VAV2: variants seen among roughly 807,000 people sequenced by gnomAD.
VAV2 encodes the protein vav guanine nucleotide exchange factor 2, also known as guanine nucleotide exchange factor VAV2.
VAV2 carries 67 observed loss-of-function variants against 132.5 expected under a neutral mutation model. The ratio of observed to expected loss-of-function variants is 0.51; its 90% CI spans 0.42 to 0.62. The LOEUF (loss-of-function observed/expected upper bound fraction) is 0.62. VAV2 is among the 20% of genes least tolerant of loss of function. The pLI is 0.00. For missense variants in VAV2, 938 were observed against 1,153.6 expected, an observed-to-expected ratio of 0.81 and a Z score of 2.71; for synonymous variants, 492 against 443.5, an observed-to-expected ratio of 1.11 and a Z score of -1.37.
At chr9:133,989,091 C>T (rs556066682) in intron 1 of VAV2, among the ~76,000 whole-genome samples, 1 of 152,120 alleles carries the variant, frequency 6.6e-6, no homozygotes, top group Non-Finnish European at 1.5e-5. Context: ...GCAATCCCAA[C>T]ACTTTGGGAG....
intron 2 of VAV2, among the ~76,000 whole-genome samples, chr9:133,889,172 T>C (rs534296118): frequency 2.0e-5 from 3 of 151,796 alleles, no homozygotes; most frequent in African/African-American, 7.3e-5. Flanking sequence ...AGGCTTGGGG[T>C]CGGATACCAG....
intron 9 of VAV2, among the ~76,000 whole-genome samples, chr9:133,799,860 C>T (rs915535626): frequency 6.6e-6 from 1 of 152,174 alleles, no homozygotes; most frequent in Admixed American, 6.5e-5. Flanking sequence ...TAAGAGACCA[C>T]CGGACAGCCC....
intron 1 of VAV2, among the ~76,000 whole-genome samples, chr9:133,946,224 A>C (rs1382790121): frequency 2.0e-5 from 3 of 152,188 alleles, no homozygotes; most frequent in African/African-American, 7.2e-5. Context: ...TCCTCAAGGC[A>C]GCTGCCAGGG....
chr9:133,964,034 T>TATATAC (rs1564507470), intron 1 of VAV2, among the ~76,000 whole-genome samples: 1 of 97,842 alleles, frequency 1.0e-5, no homozygotes, highest in Non-Finnish European at 2.3e-5. Flanking sequence ...TATATATATA[T>TATATAC]ATATATATAT....
Position 133,991,846 on chromosome 9 carries a change from G to A in VAV2, c.204+229C>T, listed in dbSNP as rs1843031603. Among the ~76,000 whole-genome samples, 1 of 150,874 alleles carries A rather than the reference G, an allele frequency of 6.6e-6. No individual in the cohort carries two copies. The highest frequency in any genetic ancestry group is 2.4e-5 in the African/African-American group (1 of 41,264). ...CGGCGCACCAGAGCAGTGCCCGCGGGCGGCGGCGGCGCGACCCAGGCTGAG... is the reference window on the plus strand; with the variant it reads ...CGGCGCACCAGAGCAGTGCCCGCGGACGGCGGCGGCGCGACCCAGGCTGAG... On this transcript the variant is annotated intron_variant, in intron 1 of 29. Coordinates refer to ENST00000371850, the MANE Select transcript of VAV2 (RefSeq NM_001134398.2). This position sits in a 1 kb window ranked among gnomAD's most constrained non-coding sequence, Gnocchi z 4.8.
intron 2 of VAV2, among the ~76,000 whole-genome samples, chr9:133,862,170 C>T (rs963522588): frequency 6.6e-6 from 1 of 152,282 alleles, no homozygotes; most frequent in African/African-American, 2.4e-5. Context: ...GTGATGTGGG[C>T]CTCCTCTGGA....
intron 1 of VAV2, among the ~76,000 whole-genome samples, chr9:133,962,654 T>C: frequency 6.6e-6 from 1 of 152,138 alleles, no homozygotes; most frequent in East Asian, 1.9e-4. Context: ...GTGCTGGGAC[T>C]CGGGGGGCTG....
In VAV2 at chr9:133,766,409, G is replaced by A. The variant is rs982246554; in HGVS notation, c.2589+2033C>T. Among the ~76,000 whole-genome samples the A allele has an allele frequency of 2.6e-5, 4 of 152,176 alleles. No individual in the cohort carries two copies. The East Asian group carries it at 5.8e-4, about 22-fold the overall frequency. ...CAATGATAGAATGGATTAAGAAAAT[G>A]TGGCACATATACACCACGGAATACT... On this transcript the variant is annotated intron_variant, in intron 29 of 29. Transcript: ENST00000371850.
chr9:133,835,786 C>T (rs531331411), intron 3 of VAV2, among the ~76,000 whole-genome samples: 24 of 152,324 alleles, frequency 1.6e-4, no homozygotes, highest in Admixed American at 9.8e-4. Flanking sequence ...GGGGGGAGTC[C>T]GCTGATCTGT....
chr9:133,880,595 G>T (rs1838451978), intron 2 of VAV2, among the ~76,000 whole-genome samples: 1 of 152,232 alleles, frequency 6.6e-6, no homozygotes. Flanking sequence ...AAGTGAATGT[G>T]ATGTGCAGTC....
intron 4 of VAV2, among the ~76,000 whole-genome samples, chr9:133,817,177 G>A (rs780718281): frequency 1.1e-4 from 16 of 152,156 alleles, no homozygotes; most frequent in East Asian, 1.9e-4. Flanking sequence ...GTAGTATTAC[G>A]ACAGAGGCTT....
Position 133,775,150 on chromosome 9 carries a change from C to T in VAV2, c.2019-99G>A, listed in dbSNP as rs1269598507. ...GTGGCAGGCCACATGAAGTACTCTG[C>T]AGTCCTCATCTGAGAGCTCATCTCC... On this transcript the variant is annotated intron_variant, in intron 24 of 29. Coordinates refer to ENST00000371850, the MANE Select transcript of VAV2 (RefSeq NM_001134398.2). The T allele has an allele frequency of 4.2e-6, 4 of 941,726 alleles. No individual in the cohort carries two copies. The African/African-American group carries it at 5.0e-5, about 12-fold the overall frequency. 58.3% of individuals were successfully genotyped at this position (941,726 alleles called of 1,614,324 possible).
intron 2 of VAV2, among the ~76,000 whole-genome samples, chr9:133,876,378 G>C (rs1013158272): frequency 6.6e-6 from 1 of 152,228 alleles, no homozygotes; most frequent in Non-Finnish European, 1.5e-5. Flanking sequence ...GAGTGGTAGG[G>C]GGCAAGGGAC....
chr9:133,977,185 C>G (rs625083), intron 1 of VAV2, among the ~76,000 whole-genome samples: 76,052 of 152,106 alleles, frequency 0.5, 19,792 homozygotes, highest in Middle Eastern at 0.59. Context: ...CAGAGTGAGG[C>G]CCCCCCAGCA....
chr9:133,804,713 C>A lies in VAV2; in HGVS notation c.836+1368G>T, dbSNP rs1300915121. Among the ~76,000 whole-genome samples, 1 of 152,234 alleles carries A rather than the reference C, an allele frequency of 6.6e-6. No homozygotes were observed. Among genetic ancestry groups the A allele is most frequent in the Non-Finnish European group, 1.5e-5 (1 of 68,038 alleles). On this transcript the variant is annotated intron_variant, in intron 9 of 29. Coordinates refer to ENST00000371850, the MANE Select transcript of VAV2 (RefSeq NM_001134398.2). This position sits in a 1 kb window ranked among gnomAD's most constrained non-coding sequence, Gnocchi z 4.5. ...CCACACCTGCTGAGGACTGGGGCGA[C>A]AGCCAGTGTGACCTGCCAGCCGGGC...
rs2810503 is a variant in VAV2 at position 133,912,683 on chromosome 9, A to G, written c.321+26420T>C. On this transcript the variant is annotated intron_variant, in intron 2 of 29. Coordinates refer to ENST00000371850, the MANE Select transcript of VAV2 (RefSeq NM_001134398.2). The surrounding 1 kb of genome is among the most constrained non-coding windows in gnomAD (Gnocchi z 4.3). Reference sequence around the variant, plus strand: ...CCGAGGCGCTCCCAAGCTGTCAGGCAGCCATCCTCAGGGGCTGCAGTCACC... The same window carrying G: ...CCGAGGCGCTCCCAAGCTGTCAGGCGGCCATCCTCAGGGGCTGCAGTCACC... Among the ~76,000 whole-genome samples, 132,503 of 152,124 alleles carry G rather than the reference A, an allele frequency of 0.87. 59,353 individuals are homozygous for G. Among genetic ancestry groups the G allele is most frequent in the Non-Finnish European group, 0.97 (66,301 of 68,016 alleles).
rs146750703 is a variant in VAV2, at chr9:133,871,403, C to CGGATGGAT, written c.322-9979_322-9972dup. 2.5e-3 allele frequency among the ~76,000 whole-genome samples: 364 copies of CGGATGGAT among 142,920 alleles called. 1 individual carries two copies. The highest frequency in any genetic ancestry group is 9.5e-3 in the African/African-American group (358 of 37,672). 93.8% of individuals were successfully genotyped at this position (142,920 alleles called of 152,430 possible). The stretch of plus-strand genomic sequence containing the variant: ...ATGGATGGATGAATAGATGGACGGA[C>CGGATGGAT]GGATGGATGGATGGATGGACAGATG... On this transcript the variant is annotated intron_variant, in intron 2 of 29. Transcript: ENST00000371850.
chr9:133,810,575 C>T (rs1038311562), intron 5 of VAV2, among the ~76,000 whole-genome samples: 4 of 152,244 alleles, frequency 2.6e-5, no homozygotes, highest in Admixed American at 6.5e-5. Context: ...CTGCCCCTTG[C>T]CCCCAGCCCC....
intron 25 of VAV2, among the ~76,000 whole-genome samples, chr9:133,773,234 A>G (rs898853689): frequency 6.6e-6 from 1 of 152,272 alleles, no homozygotes; most frequent in Non-Finnish European, 1.5e-5. Flanking sequence ...CCCGGGCTAC[A>G]GACCTACTGA....
Sources: gnomAD v4.1 joint callset for allele counts (sites outside exome capture counted in the v4.1 genomes callset) on GRCh38, gnomAD v4.1.1 for gene constraint, Gnocchi (gnomAD v3.1) non-coding constraint, MANE v1.5 for transcripts, NCBI Gene and HGNC (gene_info 2026-07-23, HGNC 2026-07-21) for gene names.